CADM2: variants seen among roughly 807,000 people sequenced by gnomAD.
CADM2 encodes cell adhesion molecule 2, also known as immunoglobulin superfamily member 4D.
CADM2 carries 12 observed loss-of-function variants against 49.8 expected under a neutral mutation model. The ratio of observed to expected loss-of-function variants is 0.24; its 90% CI spans 0.15 to 0.39. CADM2 has a LOEUF of 0.39. CADM2 is among the 10% of genes least tolerant of loss of function. The probability of loss-of-function intolerance (pLI) is 1.00; values close to 1 mark genes in which losing one functional copy is unlikely to be tolerated. For missense variants in CADM2, 378 were observed against 492.3 expected (o/e 0.77, Z 2.20); for synonymous variants, 214 against 175.4 (o/e 1.22, Z -1.74).
chr3:85,242,158 A>G (rs1295268405), intron 1 of CADM2, among the ~76,000 whole-genome samples: 1 of 151,182 alleles, frequency 6.6e-6, no homozygotes, highest in Admixed American at 6.6e-5. Context: ...CTTTTCTGGT[A>G]TAAAACTTTT....
intron 1 of CADM2, among the ~76,000 whole-genome samples, chr3:85,528,203 C>T (rs1297034411): frequency 6.6e-6 from 1 of 152,146 alleles, no homozygotes; most frequent in Non-Finnish European, 1.5e-5. Context: ...TTGTCATTAT[C>T]ACAGACATCC....
At chr3:85,829,675 C>A (rs2074096440) in intron 3 of CADM2, among the ~76,000 whole-genome samples, 1 of 151,910 alleles carries the variant, frequency 6.6e-6, no homozygotes, top group Admixed American at 6.6e-5. Context: ...TTCCCCATTT[C>A]TTTGCCCCTT....
chr3:85,216,299 T>C (rs1056124530), intron 1 of CADM2, among the ~76,000 whole-genome samples: 1 of 146,868 alleles, frequency 6.8e-6, no homozygotes, highest in Non-Finnish European at 1.5e-5. Context: ...ATTTAATATA[T>C]TTATATATAT....
intron 1 of CADM2, among the ~76,000 whole-genome samples, chr3:85,615,662 C>G (rs1490014641): frequency 6.6e-6 from 1 of 151,088 alleles, no homozygotes; most frequent in African/African-American, 2.4e-5. Flanking sequence ...TAAGATAATC[C>G]TTTAAACTCA....
chr3:85,351,984 T>TAA (rs1366783447), intron 1 of CADM2, among the ~76,000 whole-genome samples: 6 of 152,098 alleles, frequency 3.9e-5, no homozygotes, highest in Non-Finnish European at 7.4e-5. Flanking sequence ...CATATATATA[T>TAA]AATAGTAGTT....
intron 1 of CADM2, among the ~76,000 whole-genome samples, chr3:85,297,605 TC>T (rs989111923): frequency 4.6e-4 from 70 of 152,072 alleles, no homozygotes; most frequent in African/African-American, 1.6e-3. Flanking sequence ...CTCTTTTCTT[TC>T]TTGGGCCTTG....
Position 85,282,253 on chromosome 3 carries a change from TTTTTTTTTTTTTGCC to T in CADM2, c.61+322598_61+322612del, listed in dbSNP as rs1399339328. Among the ~76,000 whole-genome samples, 210 of 141,716 alleles carry T rather than the reference TTTTTTTTTTTTTGCC, an allele frequency of 1.5e-3. 2 individuals carry two copies. The highest frequency in any genetic ancestry group is 5.4e-3 in the African/African-American group (201 of 36,942). 93.0% of individuals were successfully genotyped at this position (141,716 alleles called of 152,430 possible). Reference sequence around the variant, plus strand: ...TCAAAAACAGTTTGGTTTGGGGGCTTTTTTTTTTTTTTGCCTTTTTTTTTTTTTCGGACAGTCTCA... The same window carrying T: ...TCAAAAACAGTTTGGTTTGGGGGCTTTTTTTTTTTTTTTCGGACAGTCTCA... On this transcript the variant is annotated intron_variant, in intron 1 of 9. Transcript: ENST00000383699.
intron 3 of CADM2, among the ~76,000 whole-genome samples, chr3:85,862,945 G>A (rs1485929039): frequency 6.6e-6 from 1 of 152,106 alleles, no homozygotes; most frequent in Non-Finnish European, 1.5e-5. Flanking sequence ...ACTGAGATGT[G>A]GAAGACTGAA....
intron 1 of CADM2, among the ~76,000 whole-genome samples, chr3:85,273,741 TTAAA>T (rs1319169428): frequency 1.5e-5 from 2 of 133,732 alleles, no homozygotes; most frequent in East Asian, 1.9e-4. Context: ...GATGGAAATG[TTAAA>T]TAAACTCTTG....
intron 1 of CADM2, among the ~76,000 whole-genome samples, chr3:85,026,485 A>T (rs192118801): frequency 6.6e-6 from 1 of 152,306 alleles, no homozygotes; most frequent in East Asian, 1.9e-4. Flanking sequence ...TTTGCTATTA[A>T]ACTTGATAGC....
At chr3:85,484,876 G>A (rs912431703) in intron 1 of CADM2, among the ~76,000 whole-genome samples, 7 of 151,794 alleles carry the variant, frequency 4.6e-5, no homozygotes, top group African/African-American at 1.7e-4. Flanking sequence ...TCATATGATA[G>A]AGTTTGGATT....
At chr3:85,839,382 T>C (rs1230238650) in intron 3 of CADM2, among the ~76,000 whole-genome samples, 1 of 151,836 alleles carries the variant, frequency 6.6e-6, no homozygotes, top group Non-Finnish European at 1.5e-5. Context: ...TTTATAATAC[T>C]CTCTCTGTCT....
intron 1 of CADM2, among the ~76,000 whole-genome samples, chr3:85,498,983 G>C (rs2040011559): frequency 6.6e-6 from 1 of 152,074 alleles, no homozygotes; most frequent in South Asian, 2.1e-4. Flanking sequence ...TTAAAAACCT[G>C]AGGTGTTTTC....
intron 1 of CADM2, among the ~76,000 whole-genome samples, chr3:85,330,502 A>C (rs983652353): frequency 6.6e-6 from 1 of 152,186 alleles, no homozygotes; most frequent in Non-Finnish European, 1.5e-5. Flanking sequence ...TGCTACATAG[A>C]CATTTTACTT....
chr3:85,071,030 A>G (rs941246180), intron 1 of CADM2, among the ~76,000 whole-genome samples: 6 of 151,364 alleles, frequency 4.0e-5, no homozygotes, highest in African/African-American at 1.5e-4. Context: ...AAACAAATAA[A>G]TAAATAAATA....
chr3:85,436,677 A>T lies in CADM2; in HGVS notation c.62-289845A>T, dbSNP rs186315423. ...TGAAAGCAGAAATTCTATAAATCAA[A>T]CATTTTAAAGTAAACTTTTTTATTT... On this transcript the variant is annotated intron_variant, in intron 1 of 9. Transcript: ENST00000383699. Among the ~76,000 whole-genome samples the T allele has an allele frequency of 1.2e-4, 19 of 152,332 alleles. No homozygotes were observed. The East Asian group carries it at 3.7e-3, about 29-fold the overall frequency.
At chr3:85,096,874 G>C (rs537107362) in intron 1 of CADM2, among the ~76,000 whole-genome samples, 1 of 152,144 alleles carries the variant, frequency 6.6e-6, no homozygotes, top group East Asian at 1.9e-4. Context: ...TTAACCTTCA[G>C]AGAATTTGGA....
chr3:85,506,728 C>A (rs2040371221), intron 1 of CADM2, among the ~76,000 whole-genome samples: 2 of 151,900 alleles, frequency 1.3e-5, no homozygotes, highest in African/African-American at 2.4e-5. Flanking sequence ...GTCTGTTTGG[C>A]CTTTGTGTTT....
At chr3:85,441,095 C>T (rs1389286087) in intron 1 of CADM2, among the ~76,000 whole-genome samples, 2 of 151,796 alleles carry the variant, frequency 1.3e-5, no homozygotes, top group Non-Finnish European at 2.9e-5. Context: ...AACCATAATT[C>T]TCACATGTAT....
Sources: allele counts gnomAD v4.1 joint callset (sites outside exome capture counted in the v4.1 genomes callset), GRCh38; gene constraint gnomAD v4.1.1; transcripts MANE v1.5; gene names NCBI Gene and HGNC (gene_info 2026-07-23, HGNC 2026-07-21).